CTNNA3: variants seen among roughly 807,000 people sequenced by gnomAD.
CTNNA3 encodes catenin alpha 3, also known as catenin alpha-3.
CTNNA3 carries 76 observed loss-of-function variants against 95.7 expected under a neutral mutation model. The observed-to-expected ratio is 0.79, with a 90% confidence interval of 0.66 to 0.96. The LOEUF (loss-of-function observed/expected upper bound fraction) is 0.96. Ranked by LOEUF, CTNNA3 falls within the 40% of genes least tolerant of loss-of-function variation. The pLI, the probability that CTNNA3 is intolerant of heterozygous loss-of-function variation, is 0.00. For synonymous variants in CTNNA3, 431 were observed against 374.4 expected (o/e 1.15, Z -1.74); for missense variants, 1,191 against 1,089.8 (o/e 1.09, Z -1.31).
chr10:66,062,994 G>C (rs771991082), intron 15 of CTNNA3, among the ~76,000 whole-genome samples: 8 of 151,934 alleles, frequency 5.3e-5, no homozygotes, highest in Non-Finnish European at 8.8e-5. Flanking sequence ...CTTTAGGAGG[G>C]AGACATGTAC....
chr10:66,965,617 GAC>G (rs1399109092), intron 7 of CTNNA3, among the ~76,000 whole-genome samples: 1 of 148,154 alleles, frequency 6.7e-6, no homozygotes, highest in Non-Finnish European at 1.5e-5. Context: ...AGGAGGGCAA[GAC>G]AGTTCCCAAA....
intron 6 of CTNNA3, among the ~76,000 whole-genome samples, chr10:67,184,127 C>T (rs1268174393): frequency 6.6e-6 from 1 of 152,206 alleles, no homozygotes; most frequent in Non-Finnish European, 1.5e-5. Context: ...CATTTTTCTG[C>T]TAACGCTTTG....
chr10:67,195,121 G>A (rs1863289552), intron 6 of CTNNA3, among the ~76,000 whole-genome samples: 1 of 150,984 alleles, frequency 6.6e-6, no homozygotes, highest in Non-Finnish European at 1.5e-5. Context: ...AAGGAGTCCA[G>A]TCCATTTAAA....
chr10:66,548,691 CAT>C (rs1270484206), intron 10 of CTNNA3, among the ~76,000 whole-genome samples: 4 of 151,990 alleles, frequency 2.6e-5, no homozygotes, highest in Admixed American at 1.3e-4. Flanking sequence ...TTTGTAAATT[CAT>C]ATGTTTAATT....
At chr10:66,997,155 C>T (rs1851400426) in intron 7 of CTNNA3, among the ~76,000 whole-genome samples, 1 of 152,100 alleles carries the variant, frequency 6.6e-6, no homozygotes, top group Middle Eastern at 3.2e-3. Context: ...TGCTTAGTGT[C>T]AAGCATTTGG....
chr10:66,224,858 T>A (rs1390216201), intron 13 of CTNNA3, among the ~76,000 whole-genome samples: 1 of 152,126 alleles, frequency 6.6e-6, no homozygotes, highest in Non-Finnish European at 1.5e-5. Context: ...AACTGTGATT[T>A]TCTTTATTTT....
chr10:66,001,198 C>T (rs745841584), intron 15 of CTNNA3, among the ~76,000 whole-genome samples: 13 of 152,018 alleles, frequency 8.6e-5, no homozygotes, highest in African/African-American at 3.1e-4. Flanking sequence ...GCCCCAGTAG[C>T]CTACAGTCCT....
intron 11 of CTNNA3, among the ~76,000 whole-genome samples, chr10:66,502,241 T>C (rs1018796586): frequency 2.6e-5 from 4 of 152,140 alleles, no homozygotes; most frequent in Non-Finnish European, 5.9e-5. Flanking sequence ...ATAATCACAA[T>C]TCTTAGGTGA....
intron 15 of CTNNA3, among the ~76,000 whole-genome samples, chr10:66,050,348 A>T (rs2079921911): frequency 6.6e-6 from 1 of 151,934 alleles, no homozygotes; most frequent in African/African-American, 2.4e-5. Flanking sequence ...TAAAAAAAAA[A>T]ATAGCACCAA....
At chr10:67,250,421 T>C (rs1228900557) in intron 5 of CTNNA3, among the ~76,000 whole-genome samples, 1 of 152,120 alleles carries the variant, frequency 6.6e-6, no homozygotes, top group East Asian at 1.9e-4. Flanking sequence ...TTCACTGTGT[T>C]AGCCAGGATG....
intron 17 of CTNNA3, among the ~76,000 whole-genome samples, chr10:65,941,107 G>A (rs181458941): frequency 6.3e-4 from 96 of 152,268 alleles, no homozygotes; most frequent in African/African-American, 2.3e-3. Flanking sequence ...TGCACAGTAA[G>A]CAGTGCTTAT....
At chr10:67,439,151 A>G (rs1823230831) in intron 5 of CTNNA3, among the ~76,000 whole-genome samples, 1 of 152,018 alleles carries the variant, frequency 6.6e-6, no homozygotes, top group African/African-American at 2.4e-5. Context: ...CTGCTTGAGG[A>G]GAGGAAAGCA....
intron 5 of CTNNA3, among the ~76,000 whole-genome samples, chr10:67,481,315 A>C (rs1848217930): frequency 6.6e-6 from 1 of 152,206 alleles, no homozygotes; most frequent in Non-Finnish European, 1.5e-5. Context: ...ATGCATCCAC[A>C]TAGGAAAAAA....
At chr10:67,180,130 C>A (rs967012382) in intron 7 of CTNNA3, among the ~76,000 whole-genome samples, 187 bp downstream of exon 7, 2 of 152,136 alleles carry the variant, frequency 1.3e-5, no homozygotes, top group East Asian at 3.9e-4. Context: ...CTGATCTCAT[C>A]CCTAGAAATT....
intron 15 of CTNNA3, among the ~76,000 whole-genome samples, chr10:66,050,041 T>A (rs1373856916): frequency 6.6e-6 from 1 of 152,170 alleles, no homozygotes; most frequent in Admixed American, 6.6e-5. Flanking sequence ...GTATTTGGTA[T>A]TACAATATAT....
At chr10:66,563,545 A>C (rs921323134) in intron 10 of CTNNA3, among the ~76,000 whole-genome samples, 5 of 152,148 alleles carry the variant, frequency 3.3e-5, no homozygotes, top group African/African-American at 1.2e-4. Flanking sequence ...AGAAAGAAAA[A>C]TAAATCTTGG....
chr10:66,680,910 TAGAC>T (rs1172822827), intron 9 of CTNNA3, among the ~76,000 whole-genome samples: 16 of 152,226 alleles, frequency 1.1e-4, no homozygotes, highest in Admixed American at 9.2e-4. Context: ...GCTAAAAAGG[TAGAC>T]AGGAGAGCAT....
intron 11 of CTNNA3, among the ~76,000 whole-genome samples, chr10:66,379,746 A>G (rs2092822624): frequency 6.6e-6 from 1 of 152,206 alleles, no homozygotes; most frequent in Non-Finnish European, 1.5e-5. Context: ...TAAAACTTAT[A>G]TATACATAAG....
intron 7 of CTNNA3, among the ~76,000 whole-genome samples, chr10:66,957,393 CATAT>C (rs10532386): frequency 0.51 from 41,683 of 82,482 alleles, 9,207 homozygotes; most frequent in East Asian, 0.61. Context: ...TATATATATA[CATAT>C]ATATATATAT....
Sources: allele counts gnomAD v4.1 joint callset (sites outside exome capture counted in the v4.1 genomes callset), GRCh38; gene constraint gnomAD v4.1.1; transcripts MANE v1.5; gene names NCBI Gene and HGNC (gene_info 2026-07-23, HGNC 2026-07-21).